The following RBM33 variants were observed in gnomAD, a reference collection of about 807,000 sequenced individuals.
The protein encoded by RBM33 is RNA binding motif protein 33.
In RBM33, 28 loss-of-function variants were observed where a neutral mutation model predicts 132.6. The observed-to-expected ratio is 0.21, with a 90% CI of 0.16 to 0.29. The LOEUF is 0.29. Ranked by LOEUF, RBM33 falls within the 10% of genes least tolerant of loss-of-function variation. RBM33 has a pLI of 1.00. For synonymous variants in RBM33, 634 were observed against 593.0 expected (o/e 1.07, Z -1.01); for missense variants, 1,291 against 1,518.5 (o/e 0.85, Z 2.49).
At chr7:155,710,689 G>A (rs1423787615) in intron 7 of RBM33, among the ~76,000 whole-genome samples, 1 of 152,088 alleles carries the variant, frequency 6.6e-6, no homozygotes, top group Non-Finnish European at 1.5e-5. Context: ...CACCCTCTCA[G>A]AGAAGCTCCC....
chr7:155,678,565 T>C (rs775679829), intron 3 of RBM33, 43 bp from the exon 4 acceptor site: 3 of 1,230,088 alleles, frequency 2.4e-6, no homozygotes, highest in South Asian at 2.7e-5. Context: ...CAAGTCTTTT[T>C]ATGGAAGTGA....
chr7:155,701,013 T>C lies in RBM33; in HGVS notation c.739+69T>C, dbSNP rs1290937100. 3 of 1,354,956 alleles carry C rather than the reference T, an allele frequency of 2.2e-6. No homozygotes were observed. In the South Asian group the frequency reaches 3.7e-5, roughly 17 times the overall value. 83.9% of individuals were successfully genotyped at this position (1,354,956 alleles called of 1,614,324 possible). A position where few individuals can be genotyped will look rare whatever the true frequency, so the allele number is the denominator to read the frequency against. ...AACTTCCTCCATAGTATTGCTGTAA[T>C]TAATCAAAGTAGGCAAAGAAGGTTG... is the stretch of plus-strand genomic sequence containing the variant. On this transcript the variant is annotated intron_variant, in intron 6 of 17. Coordinates refer to ENST00000401878, the MANE Select transcript of RBM33 (RefSeq NM_053043.3).
At chr7:155,661,146 A>ATATATATATTT (rs1421586760) in intron 1 of RBM33, among the ~76,000 whole-genome samples, 29 of 81,182 alleles carry the variant, frequency 3.6e-4, no homozygotes, top group South Asian at 1.5e-3. Context: ...ATATATATAT[A>ATATATATATTT]TTTTTTTTTT....
At chr7:155,732,014 C>T (rs148504693) in intron 9 of RBM33, among the ~76,000 whole-genome samples, 14 of 152,164 alleles carry the variant, frequency 9.2e-5, no homozygotes, top group African/African-American at 3.4e-4. Context: ...GGCATGAGAA[C>T]TGAGTGACAA....
Position 155,763,820 on chromosome 7 carries a change from G to C in RBM33, c.2988G>C (p.Glu996Asp), listed in dbSNP as rs1481767081. 2 of 1,609,980 alleles carry C rather than the reference G, an allele frequency of 1.2e-6. No individual in the cohort carries two copies. Among genetic ancestry groups the C allele is most frequent in the East Asian group, 2.2e-5 (1 of 44,776 alleles). Reference sequence around the variant, plus strand: ...CTTCTTGGTTTCAGCAGGGAGGAGAGAGCGATGGCTTTTTTCACCCAGAAG... The same window carrying C: ...CTTCTTGGTTTCAGCAGGGAGGAGACAGCGATGGCTTTTTTCACCCAGAAG... The part of the protein sequence containing the change: ...RVIKLSGGGG[E>D]SDGFFHPEGQ... Residue 996 changes from glutamate to aspartate, a missense_variant, in exon 15 of 18, where the codon GAG (glutamate) becomes GAC (aspartate). Transcript: ENST00000401878.
chr7:155,771,538 G>A (rs752650787), intron 16 of RBM33, among the ~76,000 whole-genome samples: 40 of 152,092 alleles, frequency 2.6e-4, no homozygotes, highest in Non-Finnish European at 4.4e-4. Context: ...TTCACGGATA[G>A]CTTCTCAATC....
intron 8 of RBM33, among the ~76,000 whole-genome samples, chr7:155,717,309 T>G (rs1446144754): frequency 1.3e-5 from 2 of 152,136 alleles, no homozygotes; most frequent in Non-Finnish European, 2.9e-5. Context: ...GCCTCTCTCC[T>G]TGCCTTGTCG....
chr7:155,760,344 G>A (rs1048302163), intron 14 of RBM33, among the ~76,000 whole-genome samples: 1 of 152,192 alleles, frequency 6.6e-6, no homozygotes, highest in African/African-American at 2.4e-5. Context: ...ACCTTCCACA[G>A]TCCATGCATT....
chr7:155,690,084 G>A (rs1375585820), intron 5 of RBM33, among the ~76,000 whole-genome samples: 5 of 151,990 alleles, frequency 3.3e-5, no homozygotes, highest in Non-Finnish European at 5.9e-5. Flanking sequence ...AAAGTCTCCC[G>A]TTATTATTGT....
At chr7:155,703,347 C>G (rs531106990) in intron 6 of RBM33, among the ~76,000 whole-genome samples, 2 of 152,248 alleles carry the variant, frequency 1.3e-5, no homozygotes, top group East Asian at 3.9e-4. Context: ...GGCAAGTCCT[C>G]TCCTTGGAAT....
At chr7:155,725,153 T>C (rs1372809515) in intron 9 of RBM33, among the ~76,000 whole-genome samples, 1 of 151,598 alleles carries the variant, frequency 6.6e-6, no homozygotes, top group Admixed American at 6.6e-5. Context: ...TTGACGTAGC[T>C]GCTGATACTA....
intron 7 of RBM33, among the ~76,000 whole-genome samples, chr7:155,708,407 T>C (rs1300212152): frequency 2.6e-5 from 4 of 152,216 alleles, no homozygotes; most frequent in Non-Finnish European, 5.9e-5. Flanking sequence ...TTTGATTATT[T>C]TGGCCTCTTT....
At chr7:155,710,935 AC>A (rs2116976464) in intron 7 of RBM33, among the ~76,000 whole-genome samples, 1 of 147,952 alleles carries the variant, frequency 6.8e-6, no homozygotes, top group East Asian at 2.0e-4. Flanking sequence ...CAAAATTCAC[AC>A]TGGGTGCTTT....
intron 6 of RBM33, among the ~76,000 whole-genome samples, chr7:155,705,851 A>G (rs529583757): frequency 1.2e-4 from 18 of 152,278 alleles, no homozygotes; most frequent in Admixed American, 1.2e-3. Flanking sequence ...GACACTCCAC[A>G]CGTGTTTGCA....
At chr7:155,742,762 A>G (rs942872168) in intron 13 of RBM33, among the ~76,000 whole-genome samples, 1 of 152,210 alleles carries the variant, frequency 6.6e-6, no homozygotes, top group African/African-American at 2.4e-5. Flanking sequence ...AGTGTGAACA[A>G]TCAATGCAGC....
At chr7:155,669,630 G>T (rs754350418) in intron 2 of RBM33, among the ~76,000 whole-genome samples, 9 of 152,220 alleles carry the variant, frequency 5.9e-5, no homozygotes, top group Non-Finnish European at 1.3e-4. Context: ...TGAGATTACG[G>T]TGTGAATCAT....
intron 1 of RBM33, among the ~76,000 whole-genome samples, chr7:155,662,640 C>T (rs1798683992): frequency 6.6e-6 from 1 of 152,112 alleles, no homozygotes; most frequent in Non-Finnish European, 1.5e-5. Flanking sequence ...GCAGCAGCCC[C>T]AGGTCTCCTC....
intron 9 of RBM33, among the ~76,000 whole-genome samples, chr7:155,724,948 G>A (rs942448023): frequency 6.6e-6 from 1 of 150,898 alleles, no homozygotes; most frequent in African/African-American, 2.4e-5. Flanking sequence ...TCAAGTCTTC[G>A]GATGTTGTGA....
chr7:155,644,713 G>A lies in RBM33; in HGVS notation c.-164G>A. On this transcript the variant is annotated 5_prime_UTR_variant, in exon 1 of 18. Transcript: ENST00000401878. The stretch of plus-strand genomic sequence containing the variant: ...TAGTTTGTTGTTTTCTTCCTGCGGA[G>A]GCGAAGGGCCAGCTGTGGACCGCGA... 2.0e-6 allele frequency: 1 copy of A among 502,262 alleles called. No individual in the cohort carries two copies. 31.1% of individuals were successfully genotyped at this position (502,262 alleles called of 1,614,324 possible). A position where few individuals can be genotyped will look rare whatever the true frequency, so the allele number is the denominator to read the frequency against.
Sources: allele counts gnomAD v4.1 joint callset (sites outside exome capture counted in the v4.1 genomes callset), GRCh38; gene constraint gnomAD v4.1.1; transcripts MANE v1.5; gene names NCBI Gene and HGNC (gene_info 2026-07-23, HGNC 2026-07-21).